PLA2G6: variants seen among roughly 807,000 people sequenced by gnomAD.
PLA2G6 encodes the protein phospholipase A2 group VI.
A neutral mutation model predicts 83.8 loss-of-function variants in PLA2G6; 62 were observed. The observed-to-expected ratio is 0.74, with a 90% CI of 0.60 to 0.91. PLA2G6 has a LOEUF of 0.91. Ranked by LOEUF, PLA2G6 falls within the 40% of genes least tolerant of loss-of-function variation. The probability of loss-of-function intolerance (pLI) is 0.00; values close to 1 mark genes in which losing one functional copy is unlikely to be tolerated. For missense variants in PLA2G6, 944 were observed against 1,102.0 expected (o/e 0.86, Z 2.03); for synonymous variants, 417 against 449.8 (o/e 0.93, Z 0.92).
At chr22:38,174,353 A>G (rs1017889358) in intron 1 of PLA2G6, among the ~76,000 whole-genome samples, 4 of 151,846 alleles carry the variant, frequency 2.6e-5, no homozygotes, top group Admixed American at 6.6e-5. Context: ...AGCCGAGATC[A>G]TGTCACTGCA....
Position 38,128,524 on chromosome 22 carries a change from G to T in PLA2G6, c.1187-94C>A. The stretch of plus-strand genomic sequence containing the variant: ...CCCTCCTTTCCACACTCCGTCCCCT[G>T]TCCCAGCTCCCAGGCCCTGGGCACG... On this transcript the variant is annotated intron_variant, in intron 8 of 16. Coordinates refer to ENST00000332509, the MANE Select transcript of PLA2G6 (RefSeq NM_003560.4). The surrounding 1 kb of genome is among the most constrained non-coding windows in gnomAD (Gnocchi z 4.4). The T allele has an allele frequency of 7.2e-7, 1 of 1,388,338 alleles. No homozygotes were observed. The highest frequency in any genetic ancestry group is 1.0e-6 in the Non-Finnish European group (1 of 1,000,808). 86.0% of individuals were successfully genotyped at this position (1,388,338 alleles called of 1,614,324 possible).
chr22:38,112,461 C>T lies in PLA2G6; in HGVS notation c.2276+43G>A, dbSNP rs11570764. ...AGGGGAAGGTCGGTGAGTCCGACCACGCCAGGGCACGGGGCCAAGGGCTGG... is the reference window on the plus strand; with the variant it reads ...AGGGGAAGGTCGGTGAGTCCGACCATGCCAGGGCACGGGGCCAAGGGCTGG... On this transcript the variant is annotated intron_variant, in intron 16 of 16. Coordinates refer to ENST00000332509, the MANE Select transcript of PLA2G6 (RefSeq NM_003560.4). 4.1e-3 allele frequency: 6,301 copies of T among 1,525,340 alleles called. 191 individuals carry two copies. In the African/African-American group the frequency reaches 0.071, roughly 17 times the overall value. 94.5% of individuals were successfully genotyped at this position (1,525,340 alleles called of 1,614,324 possible).
chr22:38,126,002 G>A (rs2087830527), intron 10 of PLA2G6, among the ~76,000 whole-genome samples: 1 of 152,188 alleles, frequency 6.6e-6, no homozygotes, highest in South Asian at 2.1e-4. Flanking sequence ...GTGGGAGGTG[G>A]TTAAGGAAGC....
At chr22:38,176,631 C>T (rs1249487777) in intron 1 of PLA2G6, among the ~76,000 whole-genome samples, 1 of 152,202 alleles carries the variant, frequency 6.6e-6, no homozygotes, top group Admixed American at 6.5e-5. Flanking sequence ...CTGTGCCACA[C>T]AGCACGGGAG....
At chr22:38,144,807 CAAAAT>C (rs2089145178) in intron 3 of PLA2G6, 2 of 171,768 alleles carry the variant, frequency 1.2e-5, no homozygotes, top group African/African-American at 4.9e-5. Context: ...GACTCCGTCT[CAAAAT>C]AAAATAACAT....
intron 2 of PLA2G6, among the ~76,000 whole-genome samples, chr22:38,161,357 GATC>G (rs2090002904): frequency 6.6e-6 from 1 of 152,106 alleles, no homozygotes; most frequent in Non-Finnish European, 1.5e-5. Context: ...GGCAGAGACA[GATC>G]ATCTCTTTCT....
intron 11 of PLA2G6, 123 bp from the exon 12 acceptor site, chr22:38,121,032 G>A (rs2087500373): frequency 9.1e-7 from 1 of 1,096,780 alleles, no homozygotes; most frequent in Non-Finnish European, 1.3e-6. Flanking sequence ...CGAGGCCTAA[G>A]CAAACCCAAA....
In PLA2G6 at chr22:38,120,791, C is replaced by T. The variant is rs1602087928; in HGVS notation, c.1710G>A (p.Glu570=). ...TCCTGACGTCCGTCATCTTGGTGTG[C>T]TCCCCAAACTCCCGCTTCAGGAACT... ...LEEFLKREFG[E]HTKMTDVRKP... The change falls in exon 12 of 17, where the codon GAG becomes GAA. Residue 570 remains glutamate, a synonymous_variant. Transcript: ENST00000332509. The T allele has an allele frequency of 1.2e-6, 2 of 1,613,784 alleles. No individual in the cohort carries two copies. Among genetic ancestry groups the T allele is most frequent in the Admixed American group, 1.7e-5 (1 of 60,008 alleles).
chr22:38,121,400 C>T (rs567817123), intron 11 of PLA2G6, among the ~76,000 whole-genome samples: 7 of 152,298 alleles, frequency 4.6e-5, no homozygotes, highest in African/African-American at 1.7e-4. Context: ...CTCTGCACTT[C>T]ATCTTGTATT....
chr22:38,159,970 G>A (rs566668668), intron 2 of PLA2G6, among the ~76,000 whole-genome samples: 1 of 152,204 alleles, frequency 6.6e-6, no homozygotes, highest in African/African-American at 2.4e-5. Context: ...AGCTGAACAC[G>A]TATCACTGAC....
intron 1 of PLA2G6, among the ~76,000 whole-genome samples, chr22:38,176,758 C>A (rs968414158): frequency 6.6e-6 from 1 of 152,184 alleles, no homozygotes; most frequent in African/African-American, 2.4e-5. Flanking sequence ...GAAGGCGCAG[C>A]CGGGCGCGGT....
chr22:38,147,067 C>T (rs1039084613), intron 2 of PLA2G6: 2 of 152,228 alleles, frequency 1.3e-5, no homozygotes, highest in African/African-American at 4.8e-5. Context: ...AGGCATGAGC[C>T]ACTGCGCCCG....
At chr22:38,116,751 T>C (rs1569245194) in intron 12 of PLA2G6, among the ~76,000 whole-genome samples, 2 of 144,220 alleles carry the variant, frequency 1.4e-5, no homozygotes, top group African/African-American at 5.2e-5. Flanking sequence ...CTTGGGAGGC[T>C]GAAGCAAGAG....
At chr22:38,176,518 C>T (rs1004501833) in intron 1 of PLA2G6, among the ~76,000 whole-genome samples, 7 of 152,308 alleles carry the variant, frequency 4.6e-5, no homozygotes, top group Middle Eastern at 3.4e-3. Flanking sequence ...GCAGTGACAC[C>T]CTCCTGAGCA....
intron 14 of PLA2G6, among the ~76,000 whole-genome samples, chr22:38,115,165 G>A (rs549774766): frequency 3.3e-5 from 5 of 152,314 alleles, no homozygotes; most frequent in South Asian, 4.1e-4. Flanking sequence ...CCACAGCACC[G>A]GCAACCCGTG....
intron 1 of PLA2G6, among the ~76,000 whole-genome samples, chr22:38,175,975 G>T (rs1160869006): frequency 1.3e-5 from 2 of 152,264 alleles, no homozygotes; most frequent in Admixed American, 1.3e-4. Context: ...TCCCTTGAAG[G>T]TGATAACAGG....
chr22:38,121,106 G>T (rs1279718614), intron 11 of PLA2G6, 197 bp from the exon 12 acceptor site: 6 of 574,836 alleles, frequency 1.0e-5, no homozygotes, highest in Middle Eastern at 4.6e-4. Flanking sequence ...GGCTGGACAT[G>T]GTGGCTCGCG....
intron 1 of PLA2G6, among the ~76,000 whole-genome samples, chr22:38,179,917 A>G (rs1052618994): frequency 1.3e-5 from 2 of 152,172 alleles, no homozygotes; most frequent in African/African-American, 4.8e-5. Flanking sequence ...CTGACAGAAT[A>G]GAGACGGCAC....
chr22:38,135,042 G>A lies in PLA2G6; in HGVS notation c.840C>T (p.His280=), dbSNP rs2088465253. The A allele has an allele frequency of 6.2e-7, 1 of 1,613,728 alleles. No individual in the cohort carries two copies. The highest frequency in any genetic ancestry group is 8.5e-7 in the Non-Finnish European group (1 of 1,179,894). The change falls in exon 6 of 17, where the codon CAC becomes CAT. Residue 280 remains histidine (H), a synonymous_variant. Transcript: ENST00000332509. ...MIISMDSSQI[H]SKDPRYGASP... ...TGGCTCCGTAACGGGGGTCTTTGCT[G>A]TGGATCTGGCTGCTGTCCATGCTGA... is the stretch of plus-strand genomic sequence containing the variant.
Sources: allele counts gnomAD v4.1 joint callset (sites outside exome capture counted in the v4.1 genomes callset), GRCh38; gene constraint gnomAD v4.1.1; non-coding constraint Gnocchi (gnomAD v3.1); transcripts MANE v1.5; gene names NCBI Gene and HGNC (gene_info 2026-07-23, HGNC 2026-07-21).